Variants in SLC25A48 observed in about 807,000 individuals in gnomAD.
The protein encoded by SLC25A48 is solute carrier family 25 member 48, also known as CTC-321K16.1.
SLC25A48 carries 29 observed loss-of-function variants against 32.2 expected under a neutral mutation model. That is an observed-to-expected ratio of 0.90 (90% confidence interval 0.67 to 1.23). SLC25A48 has a LOEUF of 1.23. SLC25A48 is among the 50% of genes most tolerant of loss of function. The pLI, the probability that SLC25A48 is intolerant of heterozygous loss-of-function variation, is 0.00. For missense variants in SLC25A48, 399 were observed against 422.7 expected (o/e 0.94, Z 0.49); for synonymous variants, 164 against 172.3 (o/e 0.95, Z 0.38).
intron 1 of SLC25A48, among the ~76,000 whole-genome samples, chr5:135,594,633 C>T (rs1751604410): frequency 6.6e-6 from 1 of 152,202 alleles, no homozygotes; most frequent in Non-Finnish European, 1.5e-5. Context: ...CTAACCCTAA[C>T]TGTTCTTCCT....
chr5:135,588,469 C>T (rs967281724), intron 1 of SLC25A48, among the ~76,000 whole-genome samples: 9 of 152,154 alleles, frequency 5.9e-5, no homozygotes, highest in Admixed American at 6.5e-5. Flanking sequence ...TGCAGGGCTG[C>T]GGGGGCTGCG....
At chr5:135,706,777 C>T (rs942668100) in intron 3 of SLC25A48, among the ~76,000 whole-genome samples, 1 of 152,092 alleles carries the variant, frequency 6.6e-6, no homozygotes, top group Non-Finnish European at 1.5e-5. Context: ...CTCATCTCCC[C>T]GATTGGGTCT....
chr5:135,847,565 A>T (rs1445001214), intron 2 of SLC25A48, among the ~76,000 whole-genome samples: 1 of 152,174 alleles, frequency 6.6e-6, no homozygotes, highest in African/African-American at 2.4e-5. Context: ...ATGATCCTGG[A>T]TTATCAGGGA....
intron 3 of SLC25A48, among the ~76,000 whole-genome samples, chr5:135,640,274 G>GA (rs2126915845): frequency 6.6e-6 from 1 of 152,260 alleles, no homozygotes; most frequent in Non-Finnish European, 1.5e-5. Flanking sequence ...TGTCCTATGG[G>GA]AAAATAGCAA....
At chr5:135,800,540 T>G (rs10076272) in intron 3 of SLC25A48, among the ~76,000 whole-genome samples, 98,424 of 151,706 alleles carry the variant, frequency 0.65, 34,168 homozygotes, top group Non-Finnish European at 0.78. Flanking sequence ...GCCTGTAGTA[T>G]AATTCCTATA....
chr5:135,676,991 C>G (rs1214852996), intron 3 of SLC25A48, among the ~76,000 whole-genome samples: 3 of 151,888 alleles, frequency 2.0e-5, no homozygotes, highest in Non-Finnish European at 2.9e-5. Context: ...TATGCAGTTT[C>G]AATTCAATAT....
chr5:135,610,772 A>G (rs893449127), intron 1 of SLC25A48, among the ~76,000 whole-genome samples: 5 of 152,226 alleles, frequency 3.3e-5, no homozygotes, highest in African/African-American at 1.2e-4. Context: ...TAAAGGGAAA[A>G]GTTTAGTGAG....
intron 3 of SLC25A48, among the ~76,000 whole-genome samples, chr5:135,741,289 T>C (rs547708946): frequency 1.4e-4 from 22 of 152,324 alleles, no homozygotes; most frequent in African/African-American, 5.1e-4. Flanking sequence ...CAGGGTAATT[T>C]GAATTTTCAT....
At chr5:135,688,457 T>C (rs911801818) in intron 3 of SLC25A48, among the ~76,000 whole-genome samples, 3 of 152,208 alleles carry the variant, frequency 2.0e-5, no homozygotes, top group Admixed American at 6.5e-5. Context: ...TGAATGTCTA[T>C]GAAGAAGTTC....
At chr5:135,855,559 T>G (rs1442274137) in intron 4 of SLC25A48, among the ~76,000 whole-genome samples, 5 of 152,254 alleles carry the variant, frequency 3.3e-5, no homozygotes, top group African/African-American at 9.6e-5. Flanking sequence ...GAGCCACCAG[T>G]GAGAGTGAGG....
chr5:135,770,949 G>T (rs528993744), intron 3 of SLC25A48, among the ~76,000 whole-genome samples: 1 of 151,960 alleles, frequency 6.6e-6, no homozygotes, highest in South Asian at 2.1e-4. Context: ...ATCTCAAGAG[G>T]TGTTCAACCC....
At chr5:135,687,368 A>G (rs1470052544) in intron 3 of SLC25A48, among the ~76,000 whole-genome samples, 1 of 152,242 alleles carries the variant, frequency 6.6e-6, no homozygotes, top group Non-Finnish European at 1.5e-5. Flanking sequence ...TACAGTATTT[A>G]TACATGCAAA....
At chr5:135,582,125 G>A (rs114863588) in intron 1 of SLC25A48, among the ~76,000 whole-genome samples, 3,032 of 152,300 alleles carry the variant, frequency 0.02, 46 homozygotes, top group Middle Eastern at 0.037. Flanking sequence ...CGTGAAGTGT[G>A]GGGGCACAGA....
At chr5:135,798,211 G>A (rs1272134026) in intron 3 of SLC25A48, among the ~76,000 whole-genome samples, 2 of 151,622 alleles carry the variant, frequency 1.3e-5, no homozygotes, top group South Asian at 2.1e-4. Context: ...AGGGTGGGGA[G>A]AAGATAACAT....
chr5:135,842,217 G>T (rs934022594), intron 1 of SLC25A48, among the ~76,000 whole-genome samples, 199 bp from the exon 2 acceptor site: 1 of 152,066 alleles, frequency 6.6e-6, no homozygotes, highest in Admixed American at 6.5e-5. Flanking sequence ...TCCTTTTATG[G>T]AGTGATTGCT....
At chr5:135,581,600 G>A (rs1751236474) in intron 1 of SLC25A48, among the ~76,000 whole-genome samples, 1 of 152,218 alleles carries the variant, frequency 6.6e-6, no homozygotes, top group Admixed American at 6.5e-5. Flanking sequence ...AGCGATCGTG[G>A]GCACTGAGTT....
intron 3 of SLC25A48, among the ~76,000 whole-genome samples, chr5:135,732,306 G>A (rs1755245272): frequency 1.3e-5 from 2 of 152,146 alleles, no homozygotes; most frequent in African/African-American, 4.8e-5. Flanking sequence ...TTATTGGACT[G>A]TATAGAGGTG....
chr5:135,798,000 C>T (rs1472248462), intron 3 of SLC25A48, among the ~76,000 whole-genome samples: 1 of 151,800 alleles, frequency 6.6e-6, no homozygotes, highest in Admixed American at 6.6e-5. Flanking sequence ...TGATATTACA[C>T]CCAATATTAC....
chr5:135,679,868 G>A (rs1379874136), intron 3 of SLC25A48, among the ~76,000 whole-genome samples: 9 of 152,124 alleles, frequency 5.9e-5, no homozygotes, highest in Admixed American at 3.9e-4. Context: ...GATCCAGTGC[G>A]AGCTTTCTCT....
Sources: gnomAD v4.1 joint callset for allele counts (sites outside exome capture counted in the v4.1 genomes callset) on GRCh38, gnomAD v4.1.1 for gene constraint, MANE v1.5 for transcripts, NCBI Gene and HGNC (gene_info 2026-07-23, HGNC 2026-07-21) for gene names.